Variants in MED13L observed in about 807,000 individuals in gnomAD.
MED13L encodes the protein mediator of RNA polymerase II transcription subunit 13-like.
MED13L carries 7 observed loss-of-function variants against 220.9 expected under a neutral mutation model. The observed-to-expected ratio is 0.03, with a 90% CI of 0.02 to 0.06. The LOEUF is 0.06. Ranked by LOEUF, MED13L falls within the 10% of genes least tolerant of loss-of-function variation. The probability of loss-of-function intolerance (pLI) is 1.00; values close to 1 mark genes in which losing one functional copy is unlikely to be tolerated. For missense variants in MED13L, 1,965 were observed against 2,760.5 expected, an observed-to-expected ratio of 0.71 and a Z score of 6.46; for synonymous variants, 1,011 against 1,015.2, an observed-to-expected ratio of 1.00 and a Z score of 0.08.
chr12:116,257,385 G>A (rs371067454), intron 1 of MED13L, among the ~76,000 whole-genome samples: 11 of 152,182 alleles, frequency 7.2e-5, no homozygotes, highest in African/African-American at 2.2e-4. Flanking sequence ...GTTAAGTAAG[G>A]CCTTGAAGTA....
At chr12:115,995,716 C>T (rs927893219) in intron 16 of MED13L, among the ~76,000 whole-genome samples, 1 of 152,220 alleles carries the variant, frequency 6.6e-6, no homozygotes, top group African/African-American at 2.4e-5. Context: ...AGCCACCGCA[C>T]CCGGCCCTAG....
Position 116,022,548 on chromosome 12 carries a change from C to T in MED13L, c.533G>A (p.Cys178Tyr). ...TFFLHGESNV[C>Y]TSVEIAQHQP... is the part of the protein sequence containing the mutation. ...GTGCTGGGCAATCTCCACACTTGTG[C>T]ATACATTACTTTCTCCATGCAGAAA... The change falls in exon 5 of 31, where the codon TGC (cysteine) becomes TAC (tyrosine). Residue 178 changes from cysteine to tyrosine, a missense_variant. Physicochemically the swap from Cys to Tyr is radical, Grantham distance 194. Coordinates refer to ENST00000281928, the MANE Select transcript of MED13L (RefSeq NM_015335.5). The T allele has an allele frequency of 6.2e-7, 1 of 1,613,166 alleles. No individual in the cohort carries two copies. The highest frequency in any genetic ancestry group is 8.5e-7 in the Non-Finnish European group (1 of 1,179,658).
chr12:116,039,637 A>G (rs1881404556), intron 4 of MED13L, among the ~76,000 whole-genome samples: 1 of 152,138 alleles, frequency 6.6e-6, no homozygotes, highest in South Asian at 2.1e-4. Flanking sequence ...TTTTGAGATC[A>G]CTTTAGGTGC....
At chr12:115,968,723 TAA>T (rs1876372466) in intron 28 of MED13L, among the ~76,000 whole-genome samples, 1 of 152,382 alleles carries the variant, frequency 6.6e-6, no homozygotes, top group Non-Finnish European at 1.5e-5. Context: ...ATTCTTCTGA[TAA>T]AACTTATTCA....
intron 2 of MED13L, among the ~76,000 whole-genome samples, chr12:116,168,632 T>G (rs764032313): frequency 4.6e-5 from 7 of 152,164 alleles, no homozygotes; most frequent in Non-Finnish European, 1.0e-4. Flanking sequence ...CACTGTCCAT[T>G]AACAAGCATT....
intron 1 of MED13L, among the ~76,000 whole-genome samples, chr12:116,254,840 A>G (rs1871896498): frequency 1.3e-5 from 2 of 152,202 alleles, no homozygotes; most frequent in Non-Finnish European, 2.9e-5. Context: ...TATATCTGAT[A>G]AAAGTATGTT....
chr12:116,042,031 C>T (rs1036710656), intron 4 of MED13L, among the ~76,000 whole-genome samples: 2 of 152,214 alleles, frequency 1.3e-5, no homozygotes, highest in South Asian at 4.1e-4. Flanking sequence ...ACCTATTTTA[C>T]TCAGCACTGT....
chr12:115,968,324 C>G (rs1876343532), intron 28 of MED13L, among the ~76,000 whole-genome samples: 1 of 152,136 alleles, frequency 6.6e-6, no homozygotes, highest in Admixed American at 6.5e-5. Flanking sequence ...CTCCAATATC[C>G]CTGAGATATT....
At chr12:116,242,561 T>G (rs911579830) in intron 1 of MED13L, among the ~76,000 whole-genome samples, 1 of 152,198 alleles carries the variant, frequency 6.6e-6, no homozygotes, top group African/African-American at 2.4e-5. Flanking sequence ...GAAATTAAAA[T>G]ATACAAAGAA....
chr12:116,217,482 C>T (rs1703701435), intron 2 of MED13L, among the ~76,000 whole-genome samples: 1 of 152,144 alleles, frequency 6.6e-6, no homozygotes, highest in African/African-American at 2.4e-5. Context: ...CTCCCACACC[C>T]ACAAAGACAG....
chr12:116,010,058 A>G (rs961590768), intron 9 of MED13L, among the ~76,000 whole-genome samples: 1 of 152,138 alleles, frequency 6.6e-6, no homozygotes, highest in Non-Finnish European at 1.5e-5. Flanking sequence ...TGCCCTAGTG[A>G]GCAGTAAAAC....
chr12:115,996,220 A>G (rs1220664654), intron 16 of MED13L, among the ~76,000 whole-genome samples: 1 of 151,974 alleles, frequency 6.6e-6, no homozygotes, highest in East Asian at 1.9e-4. Context: ...CCTCCCGAGT[A>G]GCTAGGATTA....
chr12:116,235,954 A>G (rs567678429), intron 2 of MED13L, among the ~76,000 whole-genome samples: 5 of 152,212 alleles, frequency 3.3e-5, no homozygotes, highest in African/African-American at 1.2e-4. Context: ...CAATCATGAA[A>G]GATAAGAAAG....
intron 2 of MED13L, among the ~76,000 whole-genome samples, chr12:116,136,360 A>G (rs1005913175): frequency 2.0e-5 from 3 of 152,190 alleles, no homozygotes; most frequent in African/African-American, 7.2e-5. Context: ...TGTGCTCATC[A>G]GAATGATCTT....
intron 1 of MED13L, among the ~76,000 whole-genome samples, chr12:116,265,455 A>C (rs965259408): frequency 6.6e-6 from 1 of 152,200 alleles, no homozygotes; most frequent in African/African-American, 2.4e-5. Context: ...ACCATTTAAC[A>C]CACTTGTTTT....
At chr12:116,031,754 AGAAAAGAAG>A (rs1383518652) in intron 4 of MED13L, among the ~76,000 whole-genome samples, 60 of 82,822 alleles carry the variant, frequency 7.2e-4, no homozygotes, top group Middle Eastern at 6.2e-3. Context: ...AGAAAAGAAA[AGAAAAGAAG>A]GAAGGAAGGA....
At chr12:116,165,760 T>C (rs1271595240) in intron 2 of MED13L, among the ~76,000 whole-genome samples, 1 of 152,152 alleles carries the variant, frequency 6.6e-6, no homozygotes, top group Non-Finnish European at 1.5e-5. Flanking sequence ...CTGCTTAAAA[T>C]ATGTAACATG....
rs1869732582 is a variant in MED13L at position 116,064,175 on chromosome 12, C to G, written c.479+32494G>C. ...CTGCACTTGGGTGACAGAACAAGAC[C>G]CCGTCTCAAAAAAAAAAAAAGTCTA... is the stretch of plus-strand genomic sequence containing the variant. On this transcript the variant is annotated intron_variant, in intron 4 of 30. Coordinates refer to ENST00000281928, the MANE Select transcript of MED13L (RefSeq NM_015335.5). Among the ~76,000 whole-genome samples the G allele has an allele frequency of 3.3e-5, 5 of 151,246 alleles. 1 individual carries two copies. The South Asian group carries it at 1.0e-3, about 32-fold the overall frequency.
chr12:116,262,390 A>G (rs1179067589), intron 1 of MED13L, among the ~76,000 whole-genome samples: 1 of 152,334 alleles, frequency 6.6e-6, no homozygotes, highest in East Asian at 1.9e-4. Flanking sequence ...AATCTAAATC[A>G]ATAGATATTT....
Sources: gnomAD v4.1 joint callset for allele counts (sites outside exome capture counted in the v4.1 genomes callset) on GRCh38, gnomAD v4.1.1 for gene constraint, MANE v1.5 for transcripts, NCBI Gene and HGNC (gene_info 2026-07-23, HGNC 2026-07-21) for gene names.